The following ZNF616 variants were observed in gnomAD, a reference collection of about 807,000 sequenced individuals.
The protein encoded by ZNF616 is zinc finger protein 616.
In ZNF616, 5 loss-of-function variants were observed where a neutral mutation model predicts 7.6. The ratio of observed to expected loss-of-function variants is 0.66; its 90% CI spans 0.34 to 1.38. The LOEUF (loss-of-function observed/expected upper bound fraction) is 1.38. Ranked by LOEUF, ZNF616 falls within the 40% of genes most tolerant of loss-of-function variation. ZNF616 has a pLI of 0.04. For missense variants in ZNF616, 913 were observed against 948.3 expected, an observed-to-expected ratio of 0.96 and a Z score of 0.49; for synonymous variants, 319 against 317.2, an observed-to-expected ratio of 1.01 and a Z score of -0.06.
rs371039778 is a variant in ZNF616, at chr19:52,130,999, T to A, written c.-76-411A>T. 3.7e-4 allele frequency among the ~76,000 whole-genome samples: 57 copies of A among 152,298 alleles called. 2 individuals carry two copies. In the East Asian group the frequency reaches 0.01, roughly 27 times the overall value. On this transcript the variant is annotated intron_variant, in intron 1 of 3. Transcript: ENST00000600228. ...AGAATCAACTTGGGGCTGGGAGCGG[T>A]GGCTCATGCCTGTAATCCCAGCACT...
In ZNF616 at chr19:52,114,376, T is replaced by A. The variant is rs1419928412; in HGVS notation, c.*442A>T. ...ATGTATTAGGTCATAACTGCATTGCTACAAAAAAAAACCTGAGGCTGGCTA... is the reference window on the plus strand; with the variant it reads ...ATGTATTAGGTCATAACTGCATTGCAACAAAAAAAAACCTGAGGCTGGCTA... On this transcript the variant is annotated 3_prime_UTR_variant, in exon 4 of 4. Coordinates refer to ENST00000600228, the MANE Select transcript of ZNF616 (RefSeq NM_178523.5). 6.3e-6 allele frequency: 1 copy of A among 159,376 alleles called. No individual in the cohort carries two copies. The allele number at this position is 159,376 out of a possible 1,614,324, so 9.9% of individuals were successfully genotyped here. A position where few individuals can be genotyped will look rare whatever the true frequency, so the allele number is the denominator to read the frequency against.
At chr19:52,122,132 C>T (rs1033186445) in intron 3 of ZNF616, 1 of 151,414 alleles carries the variant, frequency 6.6e-6, no homozygotes, top group Non-Finnish European at 1.5e-5. Flanking sequence ...TAAAGAAAAT[C>T]CAGCAAGTTA....
chr19:52,126,568 G>GACC (rs777573755), intron 2 of ZNF616, among the ~76,000 whole-genome samples: 6 of 151,838 alleles, frequency 4.0e-5, no homozygotes, highest in East Asian at 1.9e-4. Context: ...AGGAGTTTAA[G>GACC]ACCAGCCTGG....
At chr19:52,123,785 C>A in intron 3 of ZNF616, 138 bp downstream of exon 3, 1 of 993,308 alleles carries the variant, frequency 1.0e-6, no homozygotes, top group Non-Finnish European at 1.5e-6. Context: ...AGGCCAGATG[C>A]AGCATTGTGA....
chr19:52,129,971 C>T (rs28437627), intron 2 of ZNF616, among the ~76,000 whole-genome samples: 11,966 of 152,010 alleles, frequency 0.079, 1,419 homozygotes, highest in African/African-American at 0.26. Flanking sequence ...TCAGTAAAGA[C>T]GAGGTTTCAC....
chr19:52,114,969 A>G lies in ZNF616; in HGVS notation c.2195T>C (p.Leu732Pro), dbSNP rs1429559349. The change falls in exon 4 of 4, where the codon CTC (leucine) becomes CCC (proline). Residue 732 changes from leucine to proline, a missense_variant. Leu to Pro is a moderately conservative substitution (Grantham distance 98, BLOSUM62 -3). Transcript: ENST00000600228. ...AGAATGAATTCTTTGGTGTTTGCTGAGGGAAAACAACCGCCCAAAGGCTTT... is the reference window on the plus strand; with the variant it reads ...AGAATGAATTCTTTGGTGTTTGCTGGGGGAAAACAACCGCCCAAAGGCTTT... ...CGKAFGRLFS[L>P]SKHQRIHSGK... 1.9e-6 allele frequency: 3 copies of G among 1,614,090 alleles called. No individual in the cohort carries two copies. The East Asian group carries it at 6.7e-5, about 36-fold the overall frequency.
At chr19:52,130,079 G>A (rs763069557) in intron 2 of ZNF616, among the ~76,000 whole-genome samples, 1 of 152,086 alleles carries the variant, frequency 6.6e-6, no homozygotes, top group South Asian at 2.1e-4. Flanking sequence ...GGCCCCTTTC[G>A]ATAATTTACT....
intron 2 of ZNF616, among the ~76,000 whole-genome samples, chr19:52,128,904 T>G (rs532793666): frequency 6.6e-6 from 1 of 151,644 alleles, no homozygotes; most frequent in East Asian, 1.9e-4. Flanking sequence ...ATCTCACAGT[T>G]ACTTTTTTTT....
chr19:52,120,323 GAC>G (rs2088855877), intron 3 of ZNF616, among the ~76,000 whole-genome samples: 1 of 151,958 alleles, frequency 6.6e-6, no homozygotes, highest in South Asian at 2.1e-4. Flanking sequence ...ATGTATAGAA[GAC>G]ACACACAATG....
At chr19:52,137,061 A>G (rs942724563) in intron 1 of ZNF616, among the ~76,000 whole-genome samples, 5 of 149,082 alleles carry the variant, frequency 3.4e-5, no homozygotes, top group Admixed American at 6.7e-5. Flanking sequence ...GTGTATATAT[A>G]TATATATATA....
chr19:52,119,375 GA>G lies in ZNF616; in HGVS notation c.140-2352del, dbSNP rs578045603. On this transcript the variant is annotated intron_variant, in intron 3 of 3. Transcript: ENST00000600228. ...TGAGCGACAAAGCAAGACTCCATAT[GA>G]AAAAAAAAAAGAAAAAAGAAAAAAA... 5.6e-3 allele frequency among the ~76,000 whole-genome samples: 769 copies of G among 138,378 alleles called. 9 individuals carry two copies. The highest frequency in any genetic ancestry group is 0.019 in the African/African-American group (704 of 37,766). The allele number at this position is 138,378 out of a possible 152,430, so 90.8% of individuals were successfully genotyped here. A position where few individuals can be genotyped will look rare whatever the true frequency, so the allele number is the denominator to read the frequency against.
At chr19:52,120,795 T>A (rs963969143) in intron 3 of ZNF616, among the ~76,000 whole-genome samples, 1 of 152,102 alleles carries the variant, frequency 6.6e-6, no homozygotes, top group African/African-American at 2.4e-5. Flanking sequence ...CACCTAATAT[T>A]AGAGATCCTT....
chr19:52,135,749 T>G (rs1037233404), intron 1 of ZNF616, among the ~76,000 whole-genome samples: 1 of 152,212 alleles, frequency 6.6e-6, no homozygotes, highest in African/African-American at 2.4e-5. Context: ...TTTTGGAGAT[T>G]TGCAGTATTT....
chr19:52,126,153 G>A (rs997659068), intron 2 of ZNF616, among the ~76,000 whole-genome samples: 5 of 152,104 alleles, frequency 3.3e-5, no homozygotes, highest in Admixed American at 1.3e-4. Flanking sequence ...AGGGAAATAC[G>A]GTCTACAAAA....
intron 2 of ZNF616, among the ~76,000 whole-genome samples, chr19:52,129,420 T>C (rs533643275): frequency 1.3e-5 from 2 of 152,254 alleles, no homozygotes; most frequent in South Asian, 4.1e-4. Flanking sequence ...AAAATAAATA[T>C]AATATTTAAT....
intron 1 of ZNF616, among the ~76,000 whole-genome samples, chr19:52,131,929 C>T (rs986480984): frequency 1.6e-4 from 24 of 152,132 alleles, no homozygotes; most frequent in Admixed American, 1.1e-3. Context: ...TAGACACCCT[C>T]GGCTCCAGGA....
intron 1 of ZNF616, among the ~76,000 whole-genome samples, chr19:52,133,273 G>A (rs899422488): frequency 2.6e-5 from 4 of 152,102 alleles, no homozygotes; most frequent in Non-Finnish European, 4.4e-5. Context: ...GGAAGGAAAC[G>A]ATAAGCTTTA....
Position 52,117,697 on chromosome 19 carries a change from T to A in ZNF616, c.140-673A>T, listed in dbSNP as rs562712235. ...AAGAACATATATTCTAGAGACAGCATATGATAACTAGAAAATATGTTGAGA... is the reference window on the plus strand; with the variant it reads ...AAGAACATATATTCTAGAGACAGCAAATGATAACTAGAAAATATGTTGAGA... On this transcript the variant is annotated intron_variant, in intron 3 of 3. Coordinates refer to ENST00000600228, the MANE Select transcript of ZNF616 (RefSeq NM_178523.5). Among the ~76,000 whole-genome samples, 10 of 152,258 alleles carry A rather than the reference T, an allele frequency of 6.6e-5. No individual in the cohort carries two copies. In the South Asian group the frequency reaches 1.9e-3, roughly 28 times the overall value.
In ZNF616 at chr19:52,116,436, C is replaced by T; in HGVS notation, c.728G>A (p.Cys243Tyr). The change falls in exon 4 of 4, where the codon TGT becomes TAT. Residue 243 changes from cysteine (C) to tyrosine (Y), a missense_variant. Coordinates refer to ENST00000600228, the MANE Select transcript of ZNF616 (RefSeq NM_178523.5). ...TCTGAAGATCTTGCCACATACATCA[C>T]ATTGATATGATTTCCCTCTTGTATG... ...VVHTRGKSYQ[C>Y]DVCGKIFRKN... is the part of the protein sequence containing the mutation. 6.2e-7 allele frequency: 1 copy of T among 1,614,076 alleles called. No individual in the cohort carries two copies. The highest frequency in any genetic ancestry group is 8.5e-7 in the Non-Finnish European group (1 of 1,179,964).
Sources: allele counts gnomAD v4.1 joint callset (sites outside exome capture counted in the v4.1 genomes callset), GRCh38; gene constraint gnomAD v4.1.1; transcripts MANE v1.5; gene names NCBI Gene and HGNC (gene_info 2026-07-23, HGNC 2026-07-21).